Variants in FHAD1 observed in about 807,000 individuals in gnomAD.
FHAD1 encodes the protein forkhead-associated domain-containing protein 1.
Under a neutral mutation model 191.3 loss-of-function variants are expected in FHAD1, and 146 were observed. The observed-to-expected ratio is 0.76, with a 90% CI of 0.67 to 0.88. FHAD1 has a LOEUF of 0.88. Ranked by LOEUF, FHAD1 falls within the 40% of genes least tolerant of loss-of-function variation. FHAD1 has a pLI of 0.00. For missense variants in FHAD1, 1,635 were observed against 1,785.8 expected (o/e 0.92, Z 1.52); for synonymous variants, 616 against 672.3 (o/e 0.92, Z 1.29).
chr1:15,288,342 A>G (rs898249583), intron 3 of FHAD1, among the ~76,000 whole-genome samples: 1 of 152,242 alleles, frequency 6.6e-6, no homozygotes, highest in Admixed American at 6.5e-5. Flanking sequence ...AGGTGTCAGC[A>G]CCACTCCACG....
At chr1:15,333,606 C>T (rs750736429) in intron 14 of FHAD1, among the ~76,000 whole-genome samples, 4 of 152,046 alleles carry the variant, frequency 2.6e-5, no homozygotes, top group African/African-American at 7.2e-5. Flanking sequence ...CTTCATGTTA[C>T]AGAGGCTGAC....
At chr1:15,302,454 G>A (rs747952585) in intron 6 of FHAD1, among the ~76,000 whole-genome samples, 40 of 152,176 alleles carry the variant, frequency 2.6e-4, no homozygotes, top group Admixed American at 1.2e-3. Context: ...GGCTGGGCGC[G>A]GTGGCGCACG....
intron 8 of FHAD1, among the ~76,000 whole-genome samples, chr1:15,314,061 AAATAATAATAAT>A (rs59696318): frequency 0.023 from 3,319 of 146,376 alleles, 50 homozygotes; most frequent in Middle Eastern, 0.04. Flanking sequence ...ACTCCGTCTC[AAATAATAATAAT>A]AATAATAATA....
intron 4 of FHAD1, among the ~76,000 whole-genome samples, chr1:15,293,003 G>T (rs1665426718): frequency 2.0e-5 from 3 of 152,168 alleles, no homozygotes; most frequent in African/African-American, 7.2e-5. Flanking sequence ...GTGGTATTTT[G>T]TTATGGCAAC....
At chr1:15,349,017 A>G (rs1256858208) in intron 18 of FHAD1, 25 bp from the exon 19 acceptor site, 2 of 1,479,662 alleles carry the variant, frequency 1.4e-6, no homozygotes, top group African/African-American at 2.8e-5. Flanking sequence ...GCAGGCCACC[A>G]AGAGCACTGG....
chr1:15,389,258 C>T (rs1703159502), intron 32 of FHAD1, among the ~76,000 whole-genome samples: 1 of 151,862 alleles, frequency 6.6e-6, no homozygotes, highest in African/African-American at 2.4e-5. Context: ...CCAGCCTGGG[C>T]AACATGGCAA....
rs1675257171 is a variant in FHAD1 at position 15,318,572 on chromosome 1, TGCA to T, written c.1365+648_1365+650del. The stretch of plus-strand genomic sequence containing the variant: ...TCACTTGAACCTGGGAGGTGGAGGT[TGCA>T]GCAAGCTGAGATCGTGCCACCGCAC... On this transcript the variant is annotated intron_variant, in intron 10 of 33. Coordinates refer to ENST00000688493, the MANE Select transcript of FHAD1 (RefSeq NM_001391957.1). The surrounding 1 kb of genome is among the most constrained non-coding windows in gnomAD (Gnocchi z 4.1). Among the ~76,000 whole-genome samples the T allele has an allele frequency of 6.6e-6, 1 of 151,848 alleles. No homozygotes were observed. Among genetic ancestry groups the T allele is most frequent in the African/African-American group, 2.4e-5 (1 of 41,314 alleles).
intron 2 of FHAD1, among the ~76,000 whole-genome samples, chr1:15,260,973 C>T (rs1186305359): frequency 6.6e-6 from 1 of 152,136 alleles, no homozygotes; most frequent in African/African-American, 2.4e-5. Flanking sequence ...CAGTTATTAC[C>T]ATCTCTTGCT....
chr1:15,263,697 A>G (rs1652157207), intron 2 of FHAD1, among the ~76,000 whole-genome samples: 1 of 151,310 alleles, frequency 6.6e-6, no homozygotes, highest in South Asian at 2.1e-4. Context: ...AATTTTTTGT[A>G]TTTTTAGTAG....
At chr1:15,378,279 C>T (rs1468959300) in intron 28 of FHAD1, among the ~76,000 whole-genome samples, 1 of 151,364 alleles carries the variant, frequency 6.6e-6, no homozygotes, top group African/African-American at 2.4e-5. Flanking sequence ...AGTGAAACTC[C>T]GTCAAAAAAA....
At position 15,329,259 on chromosome 1, in the gene FHAD1, A is replaced by G. The variant is rs1680247086; in HGVS notation, c.1711-87A>G. On this transcript the variant is annotated intron_variant, in intron 13 of 33. Transcript: ENST00000688493. This position sits in a 1 kb window ranked among gnomAD's most constrained non-coding sequence, Gnocchi z 5.0. ...CGTGGCGCTGCCTGCTTCGTGGCAG[A>G]GTCAAGAACGCTGTTCCTCGAAGGT... The G allele has an allele frequency of 1.8e-6, 2 of 1,104,888 alleles. No homozygotes were observed. The highest frequency in any genetic ancestry group is 3.0e-5 in the Admixed American group (1 of 33,492). 68.4% of individuals were successfully genotyped at this position (1,104,888 alleles called of 1,614,324 possible). A position where few individuals can be genotyped will look rare whatever the true frequency, so the allele number is the denominator to read the frequency against.
upstream of FHAD1, among the ~76,000 whole-genome samples, chr1:15,243,858 C>T (rs953321901): frequency 2.6e-5 from 4 of 152,174 alleles, no homozygotes; most frequent in East Asian, 7.7e-4. Flanking sequence ...TGTAGTTCCC[C>T]AGGGGAAATA....
chr1:15,289,734 G>C lies in FHAD1; in HGVS notation c.568+68G>C. ...GGCCATGTGGATGGGTCTTGGTTTT[G>C]GTTTACTTTCTGATTCTAAAAGTAG... On this transcript the variant is annotated intron_variant, in intron 4 of 33. Coordinates refer to ENST00000688493, the MANE Select transcript of FHAD1 (RefSeq NM_001391957.1). The surrounding 1 kb of genome is among the most constrained non-coding windows in gnomAD (Gnocchi z 4.2). The C allele has an allele frequency of 6.8e-7, 1 of 1,467,434 alleles. No individual in the cohort carries two copies. The highest frequency in any genetic ancestry group is 9.0e-7 in the Non-Finnish European group (1 of 1,105,636). 90.9% of individuals were successfully genotyped at this position (1,467,434 alleles called of 1,614,324 possible).
upstream of FHAD1, among the ~76,000 whole-genome samples, chr1:15,243,497 C>T (rs1429165234): frequency 1.3e-5 from 2 of 152,194 alleles, no homozygotes; most frequent in African/African-American, 4.8e-5. Context: ...GGGCCTGAAG[C>T]CAGCATTCAT....
intron 8 of FHAD1, 70 bp downstream of exon 8, chr1:15,313,257 T>C: frequency 6.8e-7 from 1 of 1,465,144 alleles, no homozygotes. Flanking sequence ...TCACGTGATA[T>C]GCTTGTTTCA....
Position 15,397,287 on chromosome 1 carries a change from C to T in FHAD1, c.4324-10C>T, listed in dbSNP as rs1270007036. ...TGGAGTTTGTGTGTTTTTTCTCTTG[C>T]TTGTTAAAGGTTGGAACCAGAAAAG... On this transcript the variant is annotated splice_polypyrimidine_tract_variant and intron_variant, in intron 33 of 33. Coordinates refer to ENST00000688493, the MANE Select transcript of FHAD1 (RefSeq NM_001391957.1). The T allele has an allele frequency of 5.0e-6, 7 of 1,396,826 alleles. No individual in the cohort carries two copies. The highest frequency in any genetic ancestry group is 2.8e-5 in the African/African-American group (2 of 70,224). 86.5% of individuals were successfully genotyped at this position (1,396,826 alleles called of 1,614,324 possible). A position where few individuals can be genotyped will look rare whatever the true frequency, so the allele number is the denominator to read the frequency against.
At chr1:15,394,389 G>C (rs2103170617) in intron 33 of FHAD1, among the ~76,000 whole-genome samples, 1 of 152,270 alleles carries the variant, frequency 6.6e-6, no homozygotes, top group African/African-American at 2.4e-5. Context: ...AAAATCAAAT[G>C]AAAAGGAATA....
At position 15,317,886 on chromosome 1, in the gene FHAD1, T is replaced by C. The variant is rs1338352359; in HGVS notation, c.1323T>C (p.Thr441=). The C allele has an allele frequency of 7.1e-6, 11 of 1,551,714 alleles. No individual in the cohort carries two copies. Among genetic ancestry groups the C allele is most frequent in the South Asian group, 2.4e-5 (2 of 84,056 alleles). ...KLRAELRKSC[T]EQSVISRTLR... is the part of the protein sequence containing the mutation. ...GGGCAGAGCTGAGGAAGAGTTGTAC[T>C]GAACAAAGCGTGATCTCTAGGACTC... Residue 441 remains threonine (T), a synonymous_variant, in exon 10 of 34, where the codon ACT becomes ACC. Coordinates refer to ENST00000688493, the MANE Select transcript of FHAD1 (RefSeq NM_001391957.1).
intron 16 of FHAD1, 86 bp from the exon 17 acceptor site, chr1:15,344,997 G>GAAGA (rs1688291322): frequency 9.9e-7 from 1 of 1,008,670 alleles, no homozygotes; most frequent in East Asian, 2.6e-5. Context: ...GGTGAGGAGT[G>GAAGA]AAGAGGTAGC....
Sources: gnomAD v4.1 joint callset for allele counts (sites outside exome capture counted in the v4.1 genomes callset) on GRCh38, gnomAD v4.1.1 for gene constraint, Gnocchi (gnomAD v3.1) non-coding constraint, MANE v1.5 for transcripts, NCBI Gene and HGNC (gene_info 2026-07-23, HGNC 2026-07-21) for gene names.